The following CSNK2A2IP variants were observed in gnomAD, a reference collection of about 807,000 sequenced individuals.
CSNK2A2IP encodes the protein casein kinase 2 subunit alpha' interacting protein, also known as casein kinase II subunit alpha'-interacting protein.
At chr3:88,355,258 T>C in the CSNK2A2IP span, among the ~76,000 whole-genome samples, 24 of 152,130 alleles carry the variant, frequency 1.6e-4, no homozygotes, top group African/African-American at 5.8e-4. Context: ...TTTCAAAAAG[T>C]TTGGATAAAT....
the CSNK2A2IP span, among the ~76,000 whole-genome samples, chr3:88,397,593 AAG>A: frequency 6.6e-6 from 1 of 152,188 alleles, no homozygotes; most frequent in African/African-American, 2.4e-5. Flanking sequence ...TAAAATATGA[AAG>A]AGTTTGCCTT....
At chr3:88,385,719 C>T in the CSNK2A2IP span, among the ~76,000 whole-genome samples, 4 of 152,066 alleles carry the variant, frequency 2.6e-5, 1 homozygote, top group South Asian at 4.1e-4. Flanking sequence ...AGATGAGAGC[C>T]GTTGAAATCT....
chr3:88,446,119 TTTTC>T, the CSNK2A2IP span, among the ~76,000 whole-genome samples: 1 of 147,986 alleles, frequency 6.8e-6, no homozygotes, highest in African/African-American at 2.5e-5. Context: ...TCTTTCTTTT[TTTTC>T]TTTCTTTCTT....
the CSNK2A2IP span, among the ~76,000 whole-genome samples, chr3:88,390,764 T>G: frequency 6.6e-6 from 1 of 152,164 alleles, no homozygotes; most frequent in African/African-American, 2.4e-5. Context: ...ATTTTTGCCA[T>G]GTATTATTTT....
chr3:88,434,163 G>A, the CSNK2A2IP span, among the ~76,000 whole-genome samples: 1 of 152,080 alleles, frequency 6.6e-6, no homozygotes, highest in South Asian at 2.1e-4. Flanking sequence ...TTGCAATGTG[G>A]AAGTTGATGG....
chr3:88,389,247 C>A, the CSNK2A2IP span, among the ~76,000 whole-genome samples: 1 of 142,714 alleles, frequency 7.0e-6, no homozygotes, highest in Non-Finnish European at 1.6e-5. Flanking sequence ...AAAAAAAAAA[C>A]TCTGCCAATG....
At chr3:88,388,555 G>A in the CSNK2A2IP span, among the ~76,000 whole-genome samples, 1 of 152,120 alleles carries the variant, frequency 6.6e-6, no homozygotes, top group African/African-American at 2.4e-5. Flanking sequence ...CTAATTAAAT[G>A]CAAGTCTGTA....
chr3:88,374,304 G>A, the CSNK2A2IP span, among the ~76,000 whole-genome samples: 22 of 151,786 alleles, frequency 1.4e-4, no homozygotes, highest in African/African-American at 5.3e-4. Context: ...TAGTTTGTAT[G>A]TGTTGAATTC....
the CSNK2A2IP span, chr3:88,382,925 A>C: frequency 6.6e-6 from 1 of 152,162 alleles, no homozygotes; most frequent in Admixed American, 6.5e-5. Flanking sequence ...TATTAGAGTG[A>C]ATTGTTTGAA....
the CSNK2A2IP span, among the ~76,000 whole-genome samples, chr3:88,384,859 G>T: frequency 3.3e-5 from 5 of 152,150 alleles, no homozygotes; most frequent in Non-Finnish European, 7.4e-5. Flanking sequence ...TAGACTGGTT[G>T]AAGGCAGTGA....
the CSNK2A2IP span, among the ~76,000 whole-genome samples, chr3:88,426,031 C>A: frequency 6.6e-6 from 1 of 152,134 alleles, no homozygotes; most frequent in African/African-American, 2.4e-5. Context: ...ATATCAGCTA[C>A]AGTTTCATGG....
chr3:88,357,688 A>T, the CSNK2A2IP span, among the ~76,000 whole-genome samples: 1 of 152,162 alleles, frequency 6.6e-6, no homozygotes, highest in Non-Finnish European at 1.5e-5. Context: ...ACAATTTAAC[A>T]ATATTGATTC....
chr3:88,427,883 T>A, the CSNK2A2IP span, among the ~76,000 whole-genome samples: 1 of 151,902 alleles, frequency 6.6e-6, no homozygotes, highest in Non-Finnish European at 1.5e-5. Context: ...CCACACAGAG[T>A]ACCCACTTGG....
chr3:88,361,345 T>C, the CSNK2A2IP span, among the ~76,000 whole-genome samples: 6 of 152,224 alleles, frequency 3.9e-5, no homozygotes, highest in African/African-American at 1.4e-4. Flanking sequence ...AAAGTCTTTA[T>C]TTTTCCTTCC....
chr3:88,366,325 G>A, the CSNK2A2IP span, among the ~76,000 whole-genome samples: 1 of 152,138 alleles, frequency 6.6e-6, no homozygotes, highest in Non-Finnish European at 1.5e-5. Context: ...AGCCACAGTT[G>A]TATATGGGTA....
At chr3:88,373,088 A>G in the CSNK2A2IP span, among the ~76,000 whole-genome samples, 1 of 151,518 alleles carries the variant, frequency 6.6e-6, no homozygotes, top group Non-Finnish European at 1.5e-5. Context: ...ACAGAAATTC[A>G]GTAAAGATAT....
chr3:88,464,478 A>G, the CSNK2A2IP span, among the ~76,000 whole-genome samples: 1 of 151,120 alleles, frequency 6.6e-6, no homozygotes, highest in Non-Finnish European at 1.5e-5. Flanking sequence ...GAAGACTTGG[A>G]AAAAAAATAA....
the CSNK2A2IP span, among the ~76,000 whole-genome samples, chr3:88,397,276 A>G: frequency 3.3e-5 from 5 of 152,320 alleles, no homozygotes; most frequent in South Asian, 2.1e-4. Context: ...TGTCAAGACT[A>G]TCCTGTGCAT....
the CSNK2A2IP span, among the ~76,000 whole-genome samples, chr3:88,444,204 A>G: frequency 1.4e-4 from 21 of 152,154 alleles, no homozygotes; most frequent in African/African-American, 3.9e-4. Flanking sequence ...GAAATATTCT[A>G]CAAAGAACAA....
Sources: gnomAD v4.1 joint callset for allele counts (sites outside exome capture counted in the v4.1 genomes callset) on GRCh38, gnomAD v4.1.1 for gene constraint, MANE v1.5 for transcripts, NCBI Gene and HGNC (gene_info 2026-07-23, HGNC 2026-07-21) for gene names.